Variants in NCAM2 observed in about 807,000 individuals in gnomAD.
NCAM2 encodes the protein neural cell adhesion molecule 2, also known as N-CAM-2.
A neutral mutation model predicts 98.1 loss-of-function variants in NCAM2; 30 were observed. The ratio of observed to expected loss-of-function variants is 0.31; its 90% CI spans 0.23 to 0.41. The LOEUF (loss-of-function observed/expected upper bound fraction) is 0.41, where lower values mean the gene tolerates loss of function less well. Among genes scored for constraint, NCAM2 ranks in the 10% least tolerant of loss-of-function variants. NCAM2 has a pLI of 1.00. For synonymous variants in NCAM2, 368 were observed against 342.4 expected, an observed-to-expected ratio of 1.07 and a Z score of -0.83; for missense variants, 867 against 1,005.8, an observed-to-expected ratio of 0.86 and a Z score of 1.87.
intron 16 of NCAM2, among the ~76,000 whole-genome samples, chr21:21,528,782 A>G (rs1989467859): frequency 6.6e-6 from 1 of 152,174 alleles, no homozygotes; most frequent in South Asian, 2.1e-4. Context: ...ATCACCTGAA[A>G]GACTGGCTAT....
intron 8 of NCAM2, among the ~76,000 whole-genome samples, chr21:21,355,686 G>T (rs1246479794): frequency 6.6e-6 from 1 of 151,330 alleles, no homozygotes; most frequent in Non-Finnish European, 1.5e-5. Flanking sequence ...CACGACCTCG[G>T]CTCACTGCAA....
At chr21:21,334,860 A>C (rs2074816049) in intron 6 of NCAM2, among the ~76,000 whole-genome samples, 2 of 152,114 alleles carry the variant, frequency 1.3e-5, no homozygotes, top group Admixed American at 6.6e-5. Flanking sequence ...TAGAGAAAAA[A>C]AACCTTAAAA....
At chr21:21,450,175 T>C (rs1980808940) in intron 12 of NCAM2, among the ~76,000 whole-genome samples, 2 of 152,038 alleles carry the variant, frequency 1.3e-5, no homozygotes, top group South Asian at 4.1e-4. Flanking sequence ...TCAAATAATA[T>C]AAATTACAAT....
rs9982411 is a variant in NCAM2 at position 21,430,681 on chromosome 21, G to A, written c.1481-1427G>A. Among the ~76,000 whole-genome samples the A allele has an allele frequency of 2.8e-3, 430 of 152,042 alleles. 1 individual carries two copies. The highest frequency in any genetic ancestry group is 0.01 in the African/African-American group (417 of 41,472). On this transcript the variant is annotated intron_variant, in intron 11 of 17. Coordinates refer to ENST00000400546, the MANE Select transcript of NCAM2 (RefSeq NM_004540.5). ...TTATTCATTATCATGAGAACAGCAT[G>A]GAGAAACCGCCCCCATGATTCAGTT...
At chr21:21,108,370 A>T (rs1349024951) in intron 1 of NCAM2, among the ~76,000 whole-genome samples, 1 of 152,138 alleles carries the variant, frequency 6.6e-6, no homozygotes, top group East Asian at 1.9e-4. Flanking sequence ...GAAAAATAGC[A>T]ATCTAGAATA....
intron 1 of NCAM2, among the ~76,000 whole-genome samples, chr21:21,256,977 C>T (rs2071697884): frequency 6.6e-6 from 1 of 152,150 alleles, no homozygotes; most frequent in Non-Finnish European, 1.5e-5. Flanking sequence ...GTTCCTTCCT[C>T]TGATTTTCTG....
At position 21,433,636 on chromosome 21, in the gene NCAM2, G is replaced by A. The variant is rs368146965; in HGVS notation, c.1654+1355G>A. Among the ~76,000 whole-genome samples the A allele has an allele frequency of 2.6e-4, 39 of 151,448 alleles. 1 individual carries two copies. In the East Asian group the frequency reaches 7.2e-3, roughly 28 times the overall value. ...CAGGCACCTGTAGACCCAGCTACTC[G>A]GGAGGCTGAGGCAGGAGAATGGCGT... On this transcript the variant is annotated intron_variant, in intron 12 of 17. Transcript: ENST00000400546.
intron 1 of NCAM2, among the ~76,000 whole-genome samples, chr21:21,033,570 C>G (rs756064752): frequency 6.6e-6 from 1 of 151,902 alleles, no homozygotes; most frequent in Non-Finnish European, 1.5e-5. Flanking sequence ...ACCTCCCCCC[C>G]AAAACAATGG....
In NCAM2 at chr21:21,218,432, G is replaced by T. The variant is rs1037251654; in HGVS notation, c.56-62146G>T. On this transcript the variant is annotated intron_variant, in intron 1 of 17. Transcript: ENST00000400546. ...TAAAGGTTGTTGTAGGCAGAATAATGGCCCCAAAGATGTCCATGTGTCTGG... is the reference window on the plus strand; with the variant it reads ...TAAAGGTTGTTGTAGGCAGAATAATTGCCCCAAAGATGTCCATGTGTCTGG... Among the ~76,000 whole-genome samples, 7 of 152,228 alleles carry T rather than the reference G, an allele frequency of 4.6e-5. No homozygotes were observed. In the East Asian group the frequency reaches 1.4e-3, roughly 29 times the overall value.
rs564605128 is a variant in NCAM2, at chr21:21,199,200, G to T, written c.56-81378G>T. 2.6e-5 allele frequency among the ~76,000 whole-genome samples: 4 copies of T among 152,162 alleles called. No individual in the cohort carries two copies. The South Asian group carries it at 6.2e-4, about 24-fold the overall frequency. Reference sequence around the variant, plus strand: ...CTCCAGGATATTTTTTTGGATTCAGGTTTTATTAATGTCTTTCATTGCAAA... The same window carrying T: ...CTCCAGGATATTTTTTTGGATTCAGTTTTTATTAATGTCTTTCATTGCAAA... On this transcript the variant is annotated intron_variant, in intron 1 of 17. Coordinates refer to ENST00000400546, the MANE Select transcript of NCAM2 (RefSeq NM_004540.5).
At chr21:21,372,147 A>G (rs142858108) in intron 8 of NCAM2, among the ~76,000 whole-genome samples, 17 of 152,020 alleles carry the variant, frequency 1.1e-4, no homozygotes, top group African/African-American at 3.9e-4. Flanking sequence ...TTGTTTGACA[A>G]TTAAAATTGT....
rs374143876 is a variant in NCAM2 at position 21,215,111 on chromosome 21, TA to T, written c.56-65460del. On this transcript the variant is annotated intron_variant, in intron 1 of 17. Coordinates refer to ENST00000400546, the MANE Select transcript of NCAM2 (RefSeq NM_004540.5). ...ATTTTATTTGTGATGATCAAAGCCT[TA>T]AAAAAATTGTGATAATGGAAATATG... is the stretch of plus-strand genomic sequence containing the variant. Among the ~76,000 whole-genome samples, 654 of 152,078 alleles carry T rather than the reference TA, an allele frequency of 4.3e-3. 9 individuals carry two copies. Among genetic ancestry groups the T allele is most frequent in the African/African-American group, 0.015 (628 of 41,518 alleles).
chr21:21,035,116 T>A (rs1368542932), intron 1 of NCAM2, among the ~76,000 whole-genome samples: 2 of 152,160 alleles, frequency 1.3e-5, no homozygotes, highest in East Asian at 3.9e-4. Flanking sequence ...GGTCAGGGAC[T>A]TTATAAGGGA....
chr21:21,452,450 G>T (rs1048424359), intron 12 of NCAM2, among the ~76,000 whole-genome samples: 16 of 138,964 alleles, frequency 1.2e-4, no homozygotes, highest in African/African-American at 4.0e-4. Context: ...ACATTGTCGG[G>T]GGGGAAGATG....
chr21:21,113,584 T>C (rs556724853), intron 1 of NCAM2, among the ~76,000 whole-genome samples: 2 of 152,054 alleles, frequency 1.3e-5, no homozygotes, highest in Non-Finnish European at 2.9e-5. Context: ...AAAAGATGAC[T>C]GGGAAACTAT....
chr21:21,424,654 T>C (rs2077176845), intron 11 of NCAM2, among the ~76,000 whole-genome samples: 1 of 152,104 alleles, frequency 6.6e-6, no homozygotes, highest in Non-Finnish European at 1.5e-5. Flanking sequence ...AATGGAAGAC[T>C]GGAAGGGTAT....
At chr21:21,178,889 A>G (rs1163145749) in intron 1 of NCAM2, among the ~76,000 whole-genome samples, 1 of 152,090 alleles carries the variant, frequency 6.6e-6, no homozygotes, top group Non-Finnish European at 1.5e-5. Flanking sequence ...GCAGTTCATC[A>G]GTATCAGATA....
intron 1 of NCAM2, among the ~76,000 whole-genome samples, chr21:21,220,741 G>A (rs1026479789): frequency 4.0e-5 from 6 of 151,586 alleles, no homozygotes; most frequent in African/African-American, 7.3e-5. Flanking sequence ...TCTTATTATC[G>A]TAGAATGTAA....
At chr21:20,999,232 A>G (rs2063974927) in intron 1 of NCAM2, among the ~76,000 whole-genome samples, 1 of 152,246 alleles carries the variant, frequency 6.6e-6, no homozygotes, top group East Asian at 1.9e-4. Flanking sequence ...GCAGTCATTC[A>G]TTTTGACCCC....
Sources: gnomAD v4.1 joint callset for allele counts (sites outside exome capture counted in the v4.1 genomes callset) on GRCh38, gnomAD v4.1.1 for gene constraint, MANE v1.5 for transcripts, NCBI Gene and HGNC (gene_info 2026-07-23, HGNC 2026-07-21) for gene names.